PCDH15: variants seen among roughly 807,000 people sequenced by gnomAD.
The protein encoded by PCDH15 is protocadherin-15.
A neutral mutation model predicts 178.5 loss-of-function variants in PCDH15; 129 were observed. The ratio of observed to expected loss-of-function variants is 0.72; its 90% confidence interval spans 0.63 to 0.84. The LOEUF (loss-of-function observed/expected upper bound fraction) is 0.84, where lower values mean the gene tolerates loss of function less well. PCDH15 is among the 40% of genes least tolerant of loss of function. The pLI is 0.00. For synonymous variants in PCDH15, 800 were observed against 732.0 expected (o/e 1.09, Z -1.50); for missense variants, 2,230 against 2,099.9 (o/e 1.06, Z -1.21).
intron 21 of PCDH15, among the ~76,000 whole-genome samples, chr10:53,984,122 C>CTTTTTTTTTTTTTTTTTTTTTTTT (rs57184119): frequency 8.9e-6 from 1 of 112,688 alleles, no homozygotes; most frequent in African/African-American, 3.6e-5. Flanking sequence ...AAGTGCTTTT[C>CTTTTTTTTTTTTTTTTTTTTTTTT]TTTTTTTTTT....
At chr10:54,327,099 A>G (rs1301512322) in intron 7 of PCDH15, among the ~76,000 whole-genome samples, 1 of 152,016 alleles carries the variant, frequency 6.6e-6, no homozygotes, top group Non-Finnish European at 1.5e-5. Flanking sequence ...AAGTTGTTCC[A>G]GATGTCTTTA....
chr10:54,383,092 A>G (rs1465418433), intron 3 of PCDH15, among the ~76,000 whole-genome samples: 4 of 152,170 alleles, frequency 2.6e-5, no homozygotes, highest in Non-Finnish European at 5.9e-5. Flanking sequence ...AGCTACTAGC[A>G]ATTTATATAG....
chr10:55,601,947 C>T (rs569151201), intron 2 of PCDH15, among the ~76,000 whole-genome samples: 15 of 152,170 alleles, frequency 9.9e-5, no homozygotes, highest in South Asian at 4.1e-4. Context: ...ACGCAGAAGA[C>T]GGGTGATTTC....
intron 3 of PCDH15, among the ~76,000 whole-genome samples, chr10:54,384,428 A>C (rs1472451144): frequency 6.6e-6 from 1 of 152,054 alleles, no homozygotes; most frequent in Non-Finnish European, 1.5e-5. Flanking sequence ...TATGTGATTT[A>C]AAATATAAAC....
intron 32 of PCDH15, chr10:53,821,001 A>G (rs2076241177): frequency 1.5e-6 from 1 of 675,370 alleles, no homozygotes; most frequent in Non-Finnish European, 1.8e-6. Flanking sequence ...GAATCTTATG[A>G]AAAAATTTAA....
At chr10:55,002,036 AGT>A (rs1839806616) in intron 2 of PCDH15, among the ~76,000 whole-genome samples, 1 of 152,238 alleles carries the variant, frequency 6.6e-6, no homozygotes, top group Non-Finnish European at 1.5e-5. Context: ...AATATGTACA[AGT>A]GTCACACTAG....
At chr10:54,578,156 C>A (rs2133739879) in intron 2 of PCDH15, among the ~76,000 whole-genome samples, 1 of 152,044 alleles carries the variant, frequency 6.6e-6, no homozygotes, top group South Asian at 2.1e-4. Context: ...TTTTGAAGTA[C>A]TTTTTAAATT....
At chr10:54,482,134 A>T (rs555287704) in intron 3 of PCDH15, among the ~76,000 whole-genome samples, 1 of 151,976 alleles carries the variant, frequency 6.6e-6, no homozygotes, top group Non-Finnish European at 1.5e-5. Flanking sequence ...TTTTTGAGTT[A>T]AAAAAAGATA....
intron 1 of PCDH15, among the ~76,000 whole-genome samples, chr10:54,779,407 T>C (rs1165148800): frequency 4.0e-4 from 9 of 22,484 alleles, no homozygotes; most frequent in African/African-American, 9.2e-4. Context: ...TATATATATG[T>C]ATATATATAT....
rs575504837 is a variant in PCDH15 at position 55,219,357 on chromosome 10, T to C, written c.-155-52706A>G. On this transcript the variant is annotated intron_variant, in intron 1 of 5. Coordinates refer to the PCDH15 transcript ENST00000458638. ...GTTCCCGGTTGCAAGATAAATTCTA[T>C]ACTTATATTATTGCTAACAGTCCCG... Among the ~76,000 whole-genome samples, 4 of 152,080 alleles carry C rather than the reference T, an allele frequency of 2.6e-5. No homozygotes were observed. In the South Asian group the frequency reaches 8.3e-4, roughly 32 times the overall value.
intron 3 of PCDH15, among the ~76,000 whole-genome samples, chr10:54,406,873 A>G (rs181406181): frequency 1.1e-4 from 17 of 152,228 alleles, no homozygotes; most frequent in Non-Finnish European, 2.2e-4. Context: ...ACAACCATAA[A>G]AGACAACTTT....
At chr10:55,180,011 A>G (rs1448134647) in intron 1 of PCDH15, among the ~76,000 whole-genome samples, 2 of 152,012 alleles carry the variant, frequency 1.3e-5, no homozygotes, top group Non-Finnish European at 2.9e-5. Flanking sequence ...CTAGGAGATA[A>G]GTTGGCTCTT....
chr10:55,415,553 T>G (rs1565115772), intron 2 of PCDH15, among the ~76,000 whole-genome samples: 1 of 151,702 alleles, frequency 6.6e-6, no homozygotes, highest in African/African-American at 2.4e-5. Context: ...TTTCTAAGTA[T>G]GCTAAACAAG....
At chr10:55,150,226 C>G (rs2132100356) in intron 2 of PCDH15, among the ~76,000 whole-genome samples, 1 of 152,110 alleles carries the variant, frequency 6.6e-6, no homozygotes, top group East Asian at 1.9e-4. Context: ...AATTTGACAG[C>G]TGCCAATCCA....
Position 53,857,053 on chromosome 10 carries a change from T to C in PCDH15, c.3806+122A>G. The stretch of plus-strand genomic sequence containing the variant: ...ACTCGAAGCCTAAACCTCACCAATA[T>C]GCAATATATCCATGTAACACACCTG... On this transcript the variant is annotated intron_variant, in intron 28 of 37. Transcript: ENST00000644397. The C allele has an allele frequency of 1.1e-5, 8 of 736,002 alleles. 1 individual carries two copies. In the South Asian group the frequency reaches 1.2e-4, roughly 11 times the overall value. 45.6% of individuals were successfully genotyped at this position (736,002 alleles called of 1,614,324 possible). A position where few individuals can be genotyped will look rare whatever the true frequency, so the allele number is the denominator to read the frequency against.
upstream of PCDH15, among the ~76,000 whole-genome samples, chr10:55,321,090 AGAAG>A (rs534402175): frequency 3.1e-4 from 47 of 152,106 alleles, no homozygotes; most frequent in African/African-American, 9.4e-4. Flanking sequence ...TTGAAAAGAA[AGAAG>A]GAAGGAAGGA....
intron 20 of PCDH15, among the ~76,000 whole-genome samples, chr10:54,016,628 G>A (rs958703650): frequency 2.0e-5 from 3 of 152,114 alleles, no homozygotes; most frequent in Non-Finnish European, 4.4e-5. Context: ...ACTAACATAG[G>A]AACAGAAAAC....
At chr10:54,527,790 G>A (rs748461610) in intron 3 of PCDH15, 22 bp downstream of exon 3, 1 of 1,574,562 alleles carries the variant, frequency 6.4e-7, no homozygotes, top group Non-Finnish European at 8.7e-7. Flanking sequence ...TAAGACATTT[G>A]TAAAATAAAA....
intron 1 of PCDH15, among the ~76,000 whole-genome samples, chr10:55,233,467 C>A (rs1841285197): frequency 6.6e-6 from 1 of 152,038 alleles, no homozygotes; most frequent in African/African-American, 2.4e-5. Context: ...ATAGTAAATG[C>A]ATGAGAGTTT....
Sources: allele counts gnomAD v4.1 joint callset (sites outside exome capture counted in the v4.1 genomes callset), GRCh38; gene constraint gnomAD v4.1.1; transcripts MANE v1.5; gene names NCBI Gene and HGNC (gene_info 2026-07-23, HGNC 2026-07-21).